The following TLL1 variants were observed in gnomAD, a reference collection of about 807,000 sequenced individuals.
TLL1 encodes tolloid-like protein 1.
In TLL1, 49 loss-of-function variants were observed where a neutral mutation model predicts 128.2. The ratio of observed to expected loss-of-function variants is 0.38; its 90% CI spans 0.30 to 0.48. The LOEUF (loss-of-function observed/expected upper bound fraction) is 0.48. Among genes scored for constraint, TLL1 ranks in the 20% least tolerant of loss-of-function variants. The pLI is 0.96. For synonymous variants in TLL1, 454 were observed against 418.8 expected (o/e 1.08, Z -1.03); for missense variants, 1,123 against 1,242.0 (o/e 0.90, Z 1.44).
intron 18 of TLL1, among the ~76,000 whole-genome samples, chr4:166,087,531 G>A (rs1741579622): frequency 6.6e-6 from 1 of 152,074 alleles, no homozygotes; most frequent in African/African-American, 2.4e-5. Flanking sequence ...CTGGGACTGG[G>A]GACCTCTAAA....
intron 8 of TLL1, among the ~76,000 whole-genome samples, chr4:166,022,915 A>C (rs906656573): frequency 6.6e-6 from 1 of 152,158 alleles, no homozygotes; most frequent in African/African-American, 2.4e-5. Flanking sequence ...TATATTAATA[A>C]TTCTTTATGC....
At chr4:165,879,870 G>T in intron 1 of TLL1, among the ~76,000 whole-genome samples, 1 of 152,132 alleles carries the variant, frequency 6.6e-6, no homozygotes, top group East Asian at 2.0e-4. Flanking sequence ...CTCATCCTCA[G>T]GATGAGGGGA....
intron 18 of TLL1, among the ~76,000 whole-genome samples, chr4:166,087,388 G>A (rs17047233): frequency 3.9e-5 from 6 of 152,110 alleles, no homozygotes; most frequent in African/African-American, 1.2e-4. Flanking sequence ...GGAGAAAAAA[G>A]GTTCTTTTGA....
chr4:166,096,697 G>A (rs1356066299), intron 19 of TLL1, among the ~76,000 whole-genome samples: 2 of 152,036 alleles, frequency 1.3e-5, no homozygotes, highest in African/African-American at 4.8e-5. Context: ...AAGTGCTGAA[G>A]CTATTTTAAA....
intron 1 of TLL1, among the ~76,000 whole-genome samples, chr4:165,930,560 AGGATT>A (rs1007109753): frequency 6.6e-6 from 1 of 152,120 alleles, no homozygotes; most frequent in Non-Finnish European, 1.5e-5. Flanking sequence ...CCTCCAACAG[AGGATT>A]TATGGTCCAC....
At chr4:165,911,867 T>TTCTTG (rs1732546616) in intron 1 of TLL1, among the ~76,000 whole-genome samples, 1 of 152,126 alleles carries the variant, frequency 6.6e-6, no homozygotes, top group African/African-American at 2.4e-5. Context: ...CAATGGTGTT[T>TTCTTG]TTTTGTTTTG....
rs543209608 is a variant in TLL1, at chr4:165,931,766, G to A, written c.170-57615G>A. ...CAATGATTAACTTCAGATACTGCAC[G>A]GGGTAGTTCTCCATTGAGCAGCTCA... On this transcript the variant is annotated intron_variant, in intron 1 of 20. Coordinates refer to ENST00000061240, the MANE Select transcript of TLL1 (RefSeq NM_012464.5). 3.6e-4 allele frequency among the ~76,000 whole-genome samples: 55 copies of A among 151,354 alleles called. 1 individual carries two copies. The South Asian group carries it at 4.0e-3, about 11-fold the overall frequency.
At chr4:166,010,890 T>G (rs1579620113) in intron 7 of TLL1, among the ~76,000 whole-genome samples, 1 of 151,276 alleles carries the variant, frequency 6.6e-6, no homozygotes, top group Non-Finnish European at 1.5e-5. Context: ...TCAGTGTCAT[T>G]TGTTGAAAAA....
rs1464373863 is a variant in TLL1, at chr4:166,003,624, A to G, written c.811+55A>G. The stretch of plus-strand genomic sequence containing the variant: ...GGCTGACTGGGTATCTTTGAATTGT[A>G]TTTATGCAGTTTATTATTTCACTTT... On this transcript the variant is annotated intron_variant, in intron 6 of 20. Coordinates refer to ENST00000061240, the MANE Select transcript of TLL1 (RefSeq NM_012464.5). 4 of 1,563,362 alleles carry G rather than the reference A, an allele frequency of 2.6e-6. No homozygotes were observed. In the African/African-American group the frequency reaches 5.4e-5, roughly 21 times the overall value.
intron 6 of TLL1, among the ~76,000 whole-genome samples, chr4:166,005,341 C>A (rs1441508211): frequency 6.6e-6 from 1 of 151,738 alleles, no homozygotes; most frequent in Non-Finnish European, 1.5e-5. Flanking sequence ...ACATAGATTT[C>A]ACTAATTAGG....
chr4:166,048,757 T>A (rs148251306), intron 12 of TLL1, among the ~76,000 whole-genome samples: 4 of 152,316 alleles, frequency 2.6e-5, no homozygotes, highest in African/African-American at 7.2e-5. Context: ...TGTGTTTAAA[T>A]TGAAATTACC....
At position 166,060,103 on chromosome 4, in the gene TLL1, A is replaced by G; in HGVS notation, c.1922A>G (p.Asn641Ser). Residue 641 changes from asparagine (N) to serine (S), a missense_variant, in exon 15 of 21, where the codon AAT (asparagine) becomes AGT (serine). By Grantham distance (46) the Asn-to-Ser change is conservative. Around this residue, in one of 3 missense-constraint regions of TLL1, gnomAD observed 634 missense variants for 672.4 expected, o/e 0.94. Transcript: ENST00000061240. ...GGCTGGCCCAAGGAGTACCCTCCTA[A>G]TAAGAACTGTGTGTGGCAAGTGGTT... is the stretch of plus-strand genomic sequence containing the variant. Reference protein sequence around the residue: ...TPGWPKEYPPNKNCVWQVVAP... With the variant: ...TPGWPKEYPPSKNCVWQVVAP... 1 of 1,613,848 alleles carries G rather than the reference A, an allele frequency of 6.2e-7. No individual in the cohort carries two copies. Among genetic ancestry groups the G allele is most frequent in the Non-Finnish European group, 8.5e-7 (1 of 1,179,892 alleles).
At chr4:166,051,403 T>C (rs1739727852) in intron 12 of TLL1, among the ~76,000 whole-genome samples, 1 of 151,924 alleles carries the variant, frequency 6.6e-6, no homozygotes, top group Non-Finnish European at 1.5e-5. Context: ...TTGGTGTTCT[T>C]TTACTGATGA....
intron 15 of TLL1, among the ~76,000 whole-genome samples, chr4:166,064,584 C>A (rs1740487377): frequency 6.6e-6 from 1 of 152,014 alleles, no homozygotes; most frequent in African/African-American, 2.4e-5. Flanking sequence ...AGTTTGATAT[C>A]TTAGCTATTT....
chr4:165,984,613 G>T (rs1013573240), intron 1 of TLL1, among the ~76,000 whole-genome samples: 1 of 151,846 alleles, frequency 6.6e-6, no homozygotes, highest in African/African-American at 2.4e-5. Flanking sequence ...AGCTTAAACT[G>T]TATATGGAAA....
At chr4:165,903,412 GT>G (rs563542442) in intron 1 of TLL1, among the ~76,000 whole-genome samples, 1,575 of 125,244 alleles carry the variant, frequency 0.013, 11 homozygotes, top group African/African-American at 0.037. Context: ...TCTTTTTCTT[GT>G]TTTTTTTTTT....
intron 2 of TLL1, among the ~76,000 whole-genome samples, chr4:165,991,932 T>A (rs1437154554): frequency 6.6e-6 from 1 of 151,940 alleles, no homozygotes; most frequent in Non-Finnish European, 1.5e-5. Flanking sequence ...CTAATAAAAA[T>A]TCAAGGAGAA....
Position 166,009,685 on chromosome 4 carries a change from C to T in TLL1, c.917+1637C>T, listed in dbSNP as rs1030390305. 2.0e-5 allele frequency among the ~76,000 whole-genome samples: 3 copies of T among 151,304 alleles called. No individual in the cohort carries two copies. The Admixed American group carries it at 2.0e-4, about 10-fold the overall frequency. ...AAGGATAGCCTGATTGTTTCATTCA[C>T]GTTATTTTATTTTTTAAGTCTTTAA... On this transcript the variant is annotated intron_variant, in intron 7 of 20. Coordinates refer to ENST00000061240, the MANE Select transcript of TLL1 (RefSeq NM_012464.5).
At chr4:165,981,162 C>G (rs1186316170) in intron 1 of TLL1, among the ~76,000 whole-genome samples, 1 of 151,974 alleles carries the variant, frequency 6.6e-6, no homozygotes, top group Non-Finnish European at 1.5e-5. Flanking sequence ...TTTTTTCCCC[C>G]ATGGTTCTTC....
Sources: allele counts gnomAD v4.1 joint callset (sites outside exome capture counted in the v4.1 genomes callset), GRCh38; gene constraint gnomAD v4.1.1; regional missense constraint gnomAD v4.1.1; transcripts MANE v1.5; gene names NCBI Gene and HGNC (gene_info 2026-07-23, HGNC 2026-07-21).